Variants in DMD observed in about 807,000 individuals in gnomAD.
DMD encodes the protein dystrophin.
In DMD, 63 loss-of-function variants were observed where a neutral mutation model predicts 330.1. The observed-to-expected ratio is 0.19, with a 90% CI of 0.16 to 0.24. The LOEUF (loss-of-function observed/expected upper bound fraction) is 0.24, where lower values mean the gene tolerates loss of function less well. Ranked by LOEUF, DMD falls within the 10% of genes least tolerant of loss-of-function variation. The probability of loss-of-function intolerance (pLI) is 1.00; values close to 1 mark genes in which losing one functional copy is unlikely to be tolerated. For synonymous variants in DMD, 1,223 were observed against 959.8 expected, an observed-to-expected ratio of 1.27 and a Z score of -5.07; for missense variants, 3,344 against 2,684.1, an observed-to-expected ratio of 1.25 and a Z score of -5.43.
chrX:32,018,176 A>T (rs2095780492), intron 44 of DMD, among the ~76,000 whole-genome samples: 1 of 111,643 alleles, frequency 9.0e-6, no homozygotes, highest in Non-Finnish European at 1.9e-5. Context: ...ATAAGTCAGC[A>T]TGCTTAATAC....
chrX:32,798,904 A>T (rs958780555), intron 7 of DMD, among the ~76,000 whole-genome samples: 2 of 111,567 alleles, frequency 1.8e-5, no homozygotes, highest in African/African-American at 6.5e-5. Context: ...TAACCTGTGT[A>T]AACTTATAAA....
chrX:31,351,728 A>AAAAAAAAAAAAAAAAAAAAAAAAAAAAAG (rs2058431773), intron 60 of DMD, among the ~76,000 whole-genome samples: 1 of 25,234 alleles, frequency 4.0e-5, no homozygotes, highest in African/African-American at 9.0e-5. Context: ...TCCATCTCAA[A>AAAAAAAAAAAAAAAAAAAAAAAAAAAAAG]AAAAAAAAAA....
intron 50 of DMD, among the ~76,000 whole-genome samples, chrX:31,797,911 T>C (rs889046245): frequency 8.9e-6 from 1 of 111,813 alleles, no homozygotes; most frequent in African/African-American, 3.2e-5. Context: ...ACAAAGAATC[T>C]TCAGTGAGAG....
intron 52 of DMD, among the ~76,000 whole-genome samples, chrX:31,695,797 C>A: frequency 9.1e-6 from 1 of 110,464 alleles, no homozygotes; most frequent in Admixed American, 9.7e-5. Context: ...AAATGAGAGA[C>A]GTTTATCAAT....
At chrX:32,623,641 C>T (rs774047641) in intron 11 of DMD, among the ~76,000 whole-genome samples, 1 of 108,684 alleles carries the variant, frequency 9.2e-6, no homozygotes, top group East Asian at 2.9e-4. Flanking sequence ...GATCCTCCTG[C>T]CTCAGCCTCC....
chrX:33,196,815 C>T (rs1046770476), intron 1 of DMD, among the ~76,000 whole-genome samples: 1 of 110,951 alleles, frequency 9.0e-6, no homozygotes, highest in Non-Finnish European at 1.9e-5. Flanking sequence ...ATGGTAGGCT[C>T]TCAATTAATA....
chrX:32,343,177 T>A lies in DMD; in HGVS notation c.5696A>T (p.Lys1899Ile). Residue 1899 changes from lysine (K) to isoleucine (I), a missense_variant, in exon 40 of 79, where the codon AAA becomes ATA. Lys to Ile is a moderately radical substitution (Grantham distance 102). Coordinates refer to ENST00000357033, the MANE Select transcript of DMD (RefSeq NM_004006.3). ...TCTGGGCTCAGGTAGGCTGGCTAAT[T>A]TTTTTTCAATGTCATCCAAGCATTT... is the stretch of plus-strand genomic sequence containing the variant. ...LLKCLDDIEK[K>I]LASLPEPRDE... 1 of 1,210,987 alleles carries A rather than the reference T, an allele frequency of 8.3e-7. No homozygotes were observed. The highest frequency in any genetic ancestry group is 1.1e-6 in the Non-Finnish European group (1 of 894,866).
In DMD at chrX:32,565,884, G is replaced by A. The variant is rs181399181; in HGVS notation, c.1813-3C>T. On this transcript the variant is annotated splice_polypyrimidine_tract_variant and splice_region_variant and intron_variant, in intron 15 of 78. Transcript: ENST00000357033. ...TTTTCTAGATCCGCTTTTAAAACCT[G>A]TTAAAACAAGAAAGATCACAGAATA... 1 of 1,205,223 alleles carries A rather than the reference G, an allele frequency of 8.3e-7. No homozygotes were observed. The highest frequency in any genetic ancestry group is 2.2e-5 in the Admixed American group (1 of 45,762).
At chrX:31,626,555 A>C (rs767559213) in intron 55 of DMD, among the ~76,000 whole-genome samples, 18 of 111,198 alleles carry the variant, frequency 1.6e-4, no homozygotes, top group African/African-American at 5.9e-4. Context: ...TTTGGAGGAG[A>C]AAGTGGGGTC....
intron 51 of DMD, among the ~76,000 whole-genome samples, chrX:31,762,915 G>T: frequency 8.9e-6 from 1 of 112,397 alleles, no homozygotes; most frequent in South Asian, 3.7e-4. Context: ...ACCAAAACAA[G>T]ACATGAATCA....
intron 41 of DMD, among the ~76,000 whole-genome samples, chrX:32,329,980 A>C (rs958196417): frequency 8.8e-4 from 99 of 112,389 alleles, no homozygotes; most frequent in Admixed American, 9.4e-4. Context: ...CCTCTGTTTT[A>C]CATGCGTTAA....
At chrX:32,615,951 T>C (rs1394668169) in intron 11 of DMD, among the ~76,000 whole-genome samples, 1 of 111,443 alleles carries the variant, frequency 9.0e-6, no homozygotes, top group Admixed American at 9.6e-5. Context: ...TTACACTCAA[T>C]TGTCCTGTTT....
At chrX:31,749,590 G>A (rs2088277163) in intron 51 of DMD, among the ~76,000 whole-genome samples, 1 of 110,628 alleles carries the variant, frequency 9.0e-6, no homozygotes, top group African/African-American at 3.3e-5. Context: ...TGTAAATAGT[G>A]CCTCAATAAA....
intron 1 of DMD, among the ~76,000 whole-genome samples, chrX:33,081,834 T>C (rs1259822112): frequency 8.9e-6 from 1 of 111,805 alleles, no homozygotes; most frequent in African/African-American, 3.3e-5. Context: ...TCCCTCATAA[T>C]GTGAAGTAAT....
Position 31,373,785 on chromosome X carries a change from A to G in DMD, c.9085-25151T>C, listed in dbSNP as rs757484299. Among the ~76,000 whole-genome samples the G allele has an allele frequency of 8.5e-3, 939 of 110,507 alleles. 13 individuals are homozygous for G. The highest frequency in any genetic ancestry group is 0.029 in the African/African-American group (881 of 30,168). ...GCAAGGACTTCATGTCTACAACACCAAAAGCAATGGCAACAAAAGCCAAAA... is the reference window on the plus strand; with the variant it reads ...GCAAGGACTTCATGTCTACAACACCGAAAGCAATGGCAACAAAAGCCAAAA... On this transcript the variant is annotated intron_variant, in intron 60 of 78. Transcript: ENST00000357033.
intron 1 of DMD, among the ~76,000 whole-genome samples, chrX:33,165,620 G>T (rs1229333901): frequency 9.0e-6 from 1 of 111,588 alleles, no homozygotes; most frequent in Non-Finnish European, 1.9e-5. Context: ...AAATAATACA[G>T]CTCAGGAATG....
chrX:32,844,071 G>A (rs898280724), intron 4 of DMD, among the ~76,000 whole-genome samples: 2 of 111,708 alleles, frequency 1.8e-5, no homozygotes, highest in Non-Finnish European at 3.8e-5. Context: ...ATAAATATTT[G>A]GTATAGAAAA....
At chrX:31,420,073 A>C (rs2063282406) in intron 60 of DMD, among the ~76,000 whole-genome samples, 1 of 112,291 alleles carries the variant, frequency 8.9e-6, no homozygotes, top group Non-Finnish European at 1.9e-5. Flanking sequence ...GCCTGTTGGC[A>C]AAAAAATATC....
chrX:31,722,545 A>G (rs1239568670), intron 52 of DMD, among the ~76,000 whole-genome samples: 1 of 111,687 alleles, frequency 9.0e-6, no homozygotes, highest in Non-Finnish European at 1.9e-5. Context: ...CATTAGACCT[A>G]CAAGGCAAAC....
Sources: gnomAD v4.1 joint callset for allele counts (sites outside exome capture counted in the v4.1 genomes callset) on GRCh38, gnomAD v4.1.1 for gene constraint, MANE v1.5 for transcripts, NCBI Gene and HGNC (gene_info 2026-07-23, HGNC 2026-07-21) for gene names.